The following PHACTR2 variants were observed in gnomAD, a reference collection of about 807,000 sequenced individuals.
PHACTR2 encodes phosphatase and actin regulator 2.
Under a neutral mutation model 76.0 loss-of-function variants are expected in PHACTR2, and 30 were observed. That is an observed-to-expected ratio of 0.39 (90% CI 0.30 to 0.54). The LOEUF is 0.54. Ranked by LOEUF, PHACTR2 falls within the 20% of genes least tolerant of loss-of-function variation. The pLI is 0.61. For missense variants in PHACTR2, 696 were observed against 781.1 expected, an observed-to-expected ratio of 0.89 and a Z score of 1.30; for synonymous variants, 292 against 292.5, an observed-to-expected ratio of 1.00 and a Z score of 0.02.
At position 143,776,901 on chromosome 6, in the gene PHACTR2, C is replaced by T. The variant is rs929743009; in HGVS notation, c.1590-427C>T. On this transcript the variant is annotated intron_variant, in intron 8 of 12. Coordinates refer to ENST00000440869, the MANE Select transcript of PHACTR2 (RefSeq NM_001100164.2). The surrounding 1 kb of genome is among the most constrained non-coding windows in gnomAD (Gnocchi z 5.3). ...CTCAGCTGCATGATCAAAGCTGGCT[C>T]ACACCATCATGCTGAAGTTCTAGCC... Among the ~76,000 whole-genome samples, 7 of 152,154 alleles carry T rather than the reference C, an allele frequency of 4.6e-5. No homozygotes were observed. Among genetic ancestry groups the T allele is most frequent in the African/African-American group, 1.7e-4 (7 of 41,432 alleles).
rs12204876 is a variant in PHACTR2, at chr6:143,592,867, C to T, written c.217+55660C>T. 0.27 allele frequency among the ~76,000 whole-genome samples: 40,234 copies of T among 151,466 alleles called. 7,050 individuals carry two copies. Among genetic ancestry groups the T allele is most frequent in the Non-Finnish European group, 0.39 (26,490 of 67,844 alleles). On this transcript the variant is annotated intron_variant, in intron 1 of 11. Transcript: ENST00000367584. This position sits in a 1 kb window ranked among gnomAD's most constrained non-coding sequence, Gnocchi z 4.0. ...GTTTGAGACCCAGGCTGCAAAATGG[C>T]GAAACCCTGTCTCTACAAAAAATAA... is the stretch of plus-strand genomic sequence containing the variant.
In PHACTR2 at chr6:143,680,375, A is replaced by C. The variant is rs1486955551; in HGVS notation, c.46+2166A>C. ...AGCAGCTGCTTAGGATTACAGTATT[A>C]AAGATGATTCTCATCTTAAATGCTT... is the stretch of plus-strand genomic sequence containing the variant. On this transcript the variant is annotated intron_variant, in intron 1 of 12. Transcript: ENST00000440869. The surrounding 1 kb of genome is among the most constrained non-coding windows in gnomAD (Gnocchi z 4.5). Among the ~76,000 whole-genome samples, 1 of 152,162 alleles carries C rather than the reference A, an allele frequency of 6.6e-6. No homozygotes were observed. Among genetic ancestry groups the C allele is most frequent in the African/African-American group, 2.4e-5 (1 of 41,442 alleles).
rs1483882026 is a variant in PHACTR2 at position 143,827,154 on chromosome 6, AAATATATATATATATAT to A, written c.*3467_*3483del. 22 of 80,898 alleles carry A rather than the reference AAATATATATATATATAT, an allele frequency of 2.7e-4. No homozygotes were observed. Among genetic ancestry groups the A allele is most frequent in the African/African-American group, 9.7e-4 (22 of 22,630 alleles). 5.0% of individuals were successfully genotyped at this position (80,898 alleles called of 1,614,324 possible). Reference sequence around the variant, plus strand: ...AGGGCTGCGTTGGCATTAAAAAAGAAAATATATATATATATATATATATATATATATATATATATATA... The same window carrying A: ...AGGGCTGCGTTGGCATTAAAAAAGAAATATATATATATATATATATATATA... On this transcript the variant is annotated 3_prime_UTR_variant, in exon 13 of 13. Transcript: ENST00000440869.
intron 1 of PHACTR2, among the ~76,000 whole-genome samples, chr6:143,705,813 G>A (rs188163983): frequency 6.6e-4 from 100 of 152,210 alleles, no homozygotes; most frequent in Non-Finnish European, 1.2e-3. Context: ...CATCTTCACC[G>A]TAAAGCCACC....
At chr6:143,748,082 T>A (rs1779107164) in intron 2 of PHACTR2, among the ~76,000 whole-genome samples, 1 of 150,352 alleles carries the variant, frequency 6.7e-6, no homozygotes. Flanking sequence ...TTTTTTTTTC[T>A]GAGATGGAGT....
At chr6:143,805,372 G>A (rs903739194) in intron 11 of PHACTR2, among the ~76,000 whole-genome samples, 19 of 151,696 alleles carry the variant, frequency 1.3e-4, no homozygotes, top group African/African-American at 3.4e-4. Context: ...CCAGCTGCTC[G>A]GGAGGCTGAG....
intron 1 of PHACTR2, among the ~76,000 whole-genome samples, chr6:143,685,433 A>G (rs2128454412): frequency 6.6e-6 from 1 of 152,318 alleles, no homozygotes; most frequent in Admixed American, 6.5e-5. Flanking sequence ...AGTAAACAAC[A>G]TGAACAGGCA....
chr6:143,692,219 G>A (rs1001154409), intron 1 of PHACTR2, among the ~76,000 whole-genome samples: 3 of 152,116 alleles, frequency 2.0e-5, no homozygotes, highest in Non-Finnish European at 2.9e-5. Context: ...GCAGTCTAAA[G>A]GGATGATTCA....
rs1778873112 is a variant in PHACTR2, at chr6:143,738,697, A to AAG, written c.215-10288_215-10287insAG. Among the ~76,000 whole-genome samples the AAG allele has an allele frequency of 6.6e-6, 1 of 152,120 alleles. No individual in the cohort carries two copies. The highest frequency in any genetic ancestry group is 1.5e-5 in the Non-Finnish European group (1 of 68,014). On this transcript the variant is annotated intron_variant, in intron 2 of 12. Transcript: ENST00000440869. This position sits in a 1 kb window ranked among gnomAD's most constrained non-coding sequence, Gnocchi z 4.0. ...CTTGAGCCCGGGAGGCGGAGGCTGC[A>AAG]GTGAGCCAAGATCGTGCAACTGTAC...
At chr6:143,626,044 G>C (rs573704857) in intron 1 of PHACTR2, among the ~76,000 whole-genome samples, 87 of 152,290 alleles carry the variant, frequency 5.7e-4, no homozygotes, top group African/African-American at 2.0e-3. Context: ...TGCAGTTTCA[G>C]GTGAACGCTA....
At chr6:143,725,361 C>T (rs951283830) in intron 2 of PHACTR2, among the ~76,000 whole-genome samples, 81 of 150,858 alleles carry the variant, frequency 5.4e-4, no homozygotes, top group African/African-American at 1.4e-3. Flanking sequence ...CCACCATACC[C>T]GGCTAATTTT....
In PHACTR2 at chr6:143,561,635, C is replaced by T. The variant is rs1210198142; in HGVS notation, c.217+24428C>T. ...GCACCCACAGGCTCTGGCCTGGCCT[C>T]TGCATTCCCACAGAAGTAGTGGTGA... On this transcript the variant is annotated intron_variant, in intron 1 of 11. Coordinates refer to the PHACTR2 transcript ENST00000367584. The surrounding 1 kb of genome is among the most constrained non-coding windows in gnomAD (Gnocchi z 4.1). Among the ~76,000 whole-genome samples, 1 of 152,204 alleles carries T rather than the reference C, an allele frequency of 6.6e-6. No individual in the cohort carries two copies. The highest frequency in any genetic ancestry group is 2.4e-5 in the African/African-American group (1 of 41,458).
In PHACTR2 at chr6:143,784,549, G is replaced by T. The variant is rs949879028; in HGVS notation, c.1707+1269G>T. On this transcript the variant is annotated intron_variant, in intron 10 of 12. Transcript: ENST00000440869. The surrounding 1 kb of genome is among the most constrained non-coding windows in gnomAD (Gnocchi z 4.5). ...ACAAAAGCATTCCAAGGCAGATGGA[G>T]GCAATGCTTCATTCCCACAGAAAAG... is the stretch of plus-strand genomic sequence containing the variant. Among the ~76,000 whole-genome samples, 2 of 152,170 alleles carry T rather than the reference G, an allele frequency of 1.3e-5. No individual in the cohort carries two copies. The highest frequency in any genetic ancestry group is 4.8e-5 in the African/African-American group (2 of 41,426).
chr6:143,668,379 T>C (rs917077895), intron 1 of PHACTR2, among the ~76,000 whole-genome samples: 17 of 152,156 alleles, frequency 1.1e-4, no homozygotes, highest in African/African-American at 3.9e-4. Flanking sequence ...CAGGATGATG[T>C]TGGCCTCATA....
At chr6:143,626,118 C>A (rs970450984) in intron 1 of PHACTR2, among the ~76,000 whole-genome samples, 1 of 152,036 alleles carries the variant, frequency 6.6e-6, no homozygotes, top group Non-Finnish European at 1.5e-5. Context: ...CAGGAAGTGG[C>A]CCAGTTCAAA....
chr6:143,682,791 T>TG (rs1777424601), intron 1 of PHACTR2, among the ~76,000 whole-genome samples: 1 of 78,970 alleles, frequency 1.3e-5, no homozygotes, highest in African/African-American at 4.2e-5. Flanking sequence ...TTGTTTTTTG[T>TG]TTTTTTTTAC....
chr6:143,606,085 G>A (rs1303203980), upstream of PHACTR2, among the ~76,000 whole-genome samples: 1 of 152,136 alleles, frequency 6.6e-6, no homozygotes. Flanking sequence ...GAAAACATAT[G>A]CTACTTATTA....
chr6:143,678,300 G>A lies in PHACTR2; in HGVS notation c.46+91G>A, dbSNP rs1777299427. The A allele has an allele frequency of 8.0e-7, 1 of 1,246,364 alleles. No homozygotes were observed. The allele number at this position is 1,246,364 out of a possible 1,614,324, so 77.2% of individuals were successfully genotyped here. A position where few individuals can be genotyped will look rare whatever the true frequency, so the allele number is the denominator to read the frequency against. ...GGCAGGCAGGGTTAGTCGTCTGGTC[G>A]GGTTCCGCTCGGACCCGCCAAGTCC... On this transcript the variant is annotated intron_variant, in intron 1 of 12. Coordinates refer to ENST00000440869, the MANE Select transcript of PHACTR2 (RefSeq NM_001100164.2). The surrounding 1 kb of genome is among the most constrained non-coding windows in gnomAD (Gnocchi z 6.2).
Position 143,550,299 on chromosome 6 carries a change from C to T in PHACTR2, c.217+13092C>T, listed in dbSNP as rs140398128. On this transcript the variant is annotated intron_variant, in intron 1 of 11. Coordinates refer to the PHACTR2 transcript ENST00000367584. The surrounding 1 kb of genome is among the most constrained non-coding windows in gnomAD (Gnocchi z 4.8). ...AAGTTTTGCTGACGCTGCTGGTCCT[C>T]GGACCACACTTCAAGGGAAGCAAGT... is the stretch of plus-strand genomic sequence containing the variant. Among the ~76,000 whole-genome samples, 442 of 152,058 alleles carry T rather than the reference C, an allele frequency of 2.9e-3. 6 individuals carry two copies. The highest frequency in any genetic ancestry group is 4.1e-3 in the African/African-American group (171 of 41,504).
Sources: allele counts gnomAD v4.1 joint callset (sites outside exome capture counted in the v4.1 genomes callset), GRCh38; gene constraint gnomAD v4.1.1; non-coding constraint Gnocchi (gnomAD v3.1); transcripts MANE v1.5; gene names NCBI Gene and HGNC (gene_info 2026-07-23, HGNC 2026-07-21).